The following NLRC5 variants were observed in gnomAD, a reference collection of about 807,000 sequenced individuals.
NLRC5 encodes NLR family CARD domain containing 5.
NLRC5 carries 114 observed loss-of-function variants against 206.9 expected under a neutral mutation model. The observed-to-expected ratio is 0.55, with a 90% CI of 0.47 to 0.64. The LOEUF (loss-of-function observed/expected upper bound fraction) is 0.64. Among genes scored for constraint, NLRC5 ranks in the 30% least tolerant of loss-of-function variants. The probability of loss-of-function intolerance (pLI) is 0.00; values close to 1 mark genes in which losing one functional copy is unlikely to be tolerated. For missense variants in NLRC5, 2,008 were observed against 2,305.5 expected (o/e 0.87, Z 2.64); for synonymous variants, 952 against 962.8 (o/e 0.99, Z 0.21).
intron 1 of NLRC5, among the ~76,000 whole-genome samples, chr16:57,012,673 G>A (rs897604796): frequency 3.9e-5 from 6 of 152,100 alleles, no homozygotes; most frequent in Non-Finnish European, 5.9e-5. Flanking sequence ...GAATCATCCC[G>A]AATCCATCCC....
intron 1 of NLRC5, among the ~76,000 whole-genome samples, chr16:56,997,893 T>G (rs1268424938): frequency 6.6e-6 from 1 of 152,190 alleles, no homozygotes; most frequent in East Asian, 1.9e-4. Context: ...AGAGGCTCTT[T>G]TAACAGCTCC....
chr16:57,079,687 G>C, intron 46 of NLRC5, 58 bp downstream of exon 46: 1 of 1,484,752 alleles, frequency 6.7e-7, no homozygotes, highest in Non-Finnish European at 9.4e-7. Context: ...GGAGGGGTCG[G>C]GGGAGTTGGC....
In NLRC5 at chr16:57,036,191, G is replaced by A; in HGVS notation, c.2711+8G>A. On this transcript the variant is annotated splice_region_variant and intron_variant, in intron 14 of 48. Transcript: ENST00000688547. ...CATCGCCAGGAAGCTGGAGTGAGTT[G>A]TCCACCCCACCGCTGGGTACCAGGG... The A allele has an allele frequency of 6.2e-7, 1 of 1,612,338 alleles. No homozygotes were observed. The highest frequency in any genetic ancestry group is 8.5e-7 in the Non-Finnish European group (1 of 1,179,604).
chr16:57,025,819 C>T lies in NLRC5; in HGVS notation c.876C>T (p.Phe292=). 1 of 1,614,268 alleles carries T rather than the reference C, an allele frequency of 6.2e-7. No homozygotes were observed. Among genetic ancestry groups the T allele is most frequent in the East Asian group, 2.2e-5 (1 of 44,888 alleles). ...LSPESDHDTV[F]QYLEKNADQV... is the part of the protein sequence containing the mutation. ...CTGAATCGGACCACGACACTGTCTT[C>T]CAGTACCTGGAGAAGAACGCTGACC... Residue 292 remains phenylalanine (F), a synonymous_variant, in exon 6 of 49, where the codon TTC becomes TTT. Coordinates refer to ENST00000688547, the MANE Select transcript of NLRC5 (RefSeq NM_001384950.1).
intron 5 of NLRC5, 44 bp from the exon 6 acceptor site, chr16:57,025,324 G>A (rs75068463): frequency 1.3e-6 from 2 of 1,507,572 alleles, no homozygotes; most frequent in East Asian, 2.3e-5. Flanking sequence ...ATGAGCAGAG[G>A]GCCGGGGGGT....
chr16:57,022,461 G>A, intron 4 of NLRC5, 146 bp downstream of exon 4: 1 of 667,584 alleles, frequency 1.5e-6, no homozygotes, highest in East Asian at 2.8e-5. Context: ...TGACCCATTT[G>A]CAAGTGTGTC....
At chr16:57,077,647 G>T in intron 41 of NLRC5, 72 bp from the exon 42 acceptor site, 1 of 1,442,442 alleles carries the variant, frequency 6.9e-7, no homozygotes, top group South Asian at 1.4e-5. Flanking sequence ...AGGGGTGGCA[G>T]ACCCAGCAGA....
In NLRC5 at chr16:57,082,455, A is replaced by G; in HGVS notation, c.5528A>G (p.His1843Arg). Residue 1843 changes from histidine (H) to arginine (R), a missense_variant, in exon 49 of 49, where the codon CAC (histidine) becomes CGC (arginine). Physicochemically the swap from His to Arg is conservative, Grantham distance 29. Coordinates refer to ENST00000688547, the MANE Select transcript of NLRC5 (RefSeq NM_001384950.1). ...CCCATTCCCTGCGACATGGCCCAGC[A>G]CCTGAAGAGCCAGGAGCCCAGGCTG... ...NNPIPCDMAQ[H>R]LKSQEPRLDF... 1 of 1,613,786 alleles carries G rather than the reference A, an allele frequency of 6.2e-7. No individual in the cohort carries two copies. Among genetic ancestry groups the G allele is most frequent in the Non-Finnish European group, 8.5e-7 (1 of 1,179,810 alleles).
intron 1 of NLRC5, among the ~76,000 whole-genome samples, chr16:56,998,665 C>T (rs144461654): frequency 1.6e-4 from 25 of 152,266 alleles, no homozygotes; most frequent in African/African-American, 5.8e-4. Flanking sequence ...ATGCTATTAT[C>T]GACCTGTGGG....
chr16:57,047,689 A>C, intron 23 of NLRC5, 61 bp downstream of exon 23: 1 of 1,416,116 alleles, frequency 7.1e-7, no homozygotes, highest in Non-Finnish European at 9.9e-7. Context: ...GTGACCTGGG[A>C]GGGGGCTTCT....
At position 57,081,624 on chromosome 16, in the gene NLRC5, G is replaced by A. The variant is rs759574137; in HGVS notation, c.5489+14G>A. 5.8e-5 allele frequency: 93 copies of A among 1,610,434 alleles called. No individual in the cohort carries two copies. Among genetic ancestry groups the A allele is most frequent in the Non-Finnish European group, 7.6e-5 (89 of 1,176,820 alleles). ...CCAAGTCATCCGGTAACAGAGGCCT[G>A]CAGGGGCAGGGATGGTGGGTGGGAG... On this transcript the variant is annotated intron_variant, in intron 48 of 48. Coordinates refer to ENST00000688547, the MANE Select transcript of NLRC5 (RefSeq NM_001384950.1).
At chr16:57,073,461 G>A (rs1281012759) in intron 38 of NLRC5, among the ~76,000 whole-genome samples, 4 of 152,276 alleles carry the variant, frequency 2.6e-5, no homozygotes, top group Non-Finnish European at 5.9e-5. Context: ...GTTCAACTCT[G>A]GGTGGGGTAA....
intron 23 of NLRC5, among the ~76,000 whole-genome samples, chr16:57,050,739 G>A (rs1450517078): frequency 2.0e-5 from 3 of 152,294 alleles, no homozygotes; most frequent in East Asian, 3.9e-4. Flanking sequence ...GGTTGGTCTG[G>A]TGTTAATGGG....
chr16:57,043,707 A>G, intron 20 of NLRC5, 103 bp downstream of exon 20: 1 of 879,522 alleles, frequency 1.1e-6, no homozygotes, highest in Non-Finnish European at 1.9e-6. Context: ...CCAACCTGTC[A>G]TCCTCAGCAC....
intron 10 of NLRC5, 141 bp from the exon 11 acceptor site, chr16:57,031,263 T>G: frequency 1.3e-6 from 1 of 796,774 alleles, no homozygotes; most frequent in Admixed American, 2.2e-5. Context: ...CTTTTGCTAG[T>G]TCCGTTATGT....
Position 57,013,509 on chromosome 16 carries a change from C to T in NLRC5, c.-127-3565C>T, listed in dbSNP as rs546325344. 1.0e-5 allele frequency: 8 copies of T among 784,792 alleles called. No homozygotes were observed. The East Asian group carries it at 2.0e-4, about 19-fold the overall frequency. 48.6% of individuals were successfully genotyped at this position (784,792 alleles called of 1,614,324 possible). On this transcript the variant is annotated intron_variant, in intron 1 of 48. Coordinates refer to ENST00000688547, the MANE Select transcript of NLRC5 (RefSeq NM_001384950.1). ...AGGTGAGCACAGATTCCATTGGCTG[C>T]TTGTGCTTTCATCATTACAGTACAA...
chr16:57,048,067 T>C (rs1290488771), intron 23 of NLRC5: 1 of 169,398 alleles, frequency 5.9e-6, no homozygotes, highest in Non-Finnish European at 1.3e-5. Context: ...AACCAGAGAC[T>C]GGACCTGGAA....
intron 32 of NLRC5, among the ~76,000 whole-genome samples, chr16:57,064,450 C>A (rs1449560664): frequency 2.0e-5 from 3 of 152,198 alleles, no homozygotes; most frequent in African/African-American, 7.2e-5. Flanking sequence ...TAAACAACCA[C>A]CATGAACATT....
chr16:56,991,678 CT>C (rs35559322), intron 1 of NLRC5, among the ~76,000 whole-genome samples: 51,346 of 105,248 alleles, frequency 0.49, 12,197 homozygotes, highest in African/African-American at 0.56. Context: ...GCCCGGACTC[CT>C]TTTTTTTTTT....
Sources: allele counts gnomAD v4.1 joint callset (sites outside exome capture counted in the v4.1 genomes callset), GRCh38; gene constraint gnomAD v4.1.1; transcripts MANE v1.5; gene names NCBI Gene and HGNC (gene_info 2026-07-23, HGNC 2026-07-21).